The following FNDC7 variants were observed in gnomAD, a reference collection of about 807,000 sequenced individuals.
FNDC7 encodes the protein fibronectin type III domain-containing protein 7.
Under a neutral mutation model 74.2 loss-of-function variants are expected in FNDC7, and 66 were observed. The observed-to-expected ratio is 0.89, with a 90% CI of 0.73 to 1.09. The LOEUF (loss-of-function observed/expected upper bound fraction) is 1.09. Among genes scored for constraint, FNDC7 ranks in the 50% least tolerant of loss-of-function variants. The probability of loss-of-function intolerance (pLI) is 0.00; values close to 1 mark genes in which losing one functional copy is unlikely to be tolerated. For synonymous variants in FNDC7, 307 were observed against 330.2 expected, an observed-to-expected ratio of 0.93 and a Z score of 0.76; for missense variants, 829 against 893.4, an observed-to-expected ratio of 0.93 and a Z score of 0.92.
chr1:108,717,892 C>T lies in FNDC7; in HGVS notation c.198C>T (p.Asp66=). 5.2e-6 allele frequency: 8 copies of T among 1,551,708 alleles called. No individual in the cohort carries two copies. Among genetic ancestry groups the T allele is most frequent in the Non-Finnish European group, 6.1e-6 (7 of 1,147,004 alleles). Residue 66 remains aspartate (D), a synonymous_variant, in exon 3 of 13, where the codon GAC becomes GAT. Transcript: ENST00000370017. ...TSYLLTAEDG[D]TVIETTVANS... ...ACCTCCTCACGGCTGAAGACGGGGA[C>T]ACAGTCATTGAAACCACGGTGGCCA...
chr1:108,739,013 G>A (rs1440057964), intron 11 of FNDC7, among the ~76,000 whole-genome samples: 1 of 152,088 alleles, frequency 6.6e-6, no homozygotes, highest in Non-Finnish European at 1.5e-5. Flanking sequence ...GAGACATAGA[G>A]GTGTGGTAGA....
intron 2 of FNDC7, among the ~76,000 whole-genome samples, chr1:108,716,443 A>G (rs79643501): frequency 0.089 from 13,426 of 151,310 alleles, 666 homozygotes; most frequent in African/African-American, 0.12. Context: ...GCCCTTTCCT[A>G]TAGAATTGGC....
chr1:108,729,372 A>C (rs2101085262), intron 8 of FNDC7, among the ~76,000 whole-genome samples: 1 of 152,264 alleles, frequency 6.6e-6, no homozygotes, highest in South Asian at 2.1e-4. Flanking sequence ...ACACGGTGAA[A>C]CCCTGTCTCT....
chr1:108,727,489 A>T (rs1661244104), intron 6 of FNDC7, among the ~76,000 whole-genome samples: 1 of 152,106 alleles, frequency 6.6e-6, no homozygotes, highest in Non-Finnish European at 1.5e-5. Context: ...TTTCCAGTGG[A>T]GGGGTCAGCA....
At chr1:108,733,883 C>T (rs1461784272) in intron 10 of FNDC7, among the ~76,000 whole-genome samples, 1 of 152,062 alleles carries the variant, frequency 6.6e-6, no homozygotes, top group Non-Finnish European at 1.5e-5. Context: ...CTCCTGACCT[C>T]AGGTGATCCT....
rs1014824977 is a variant in FNDC7, at chr1:108,713,400, G to A, written c.64-111G>A. The A allele has an allele frequency of 2.6e-5, 23 of 893,374 alleles. No individual in the cohort carries two copies. In the East Asian group the frequency reaches 2.9e-4, roughly 11 times the overall value. The allele number at this position is 893,374 out of a possible 1,614,324, so 55.3% of individuals were successfully genotyped here. ...TTGTATGGATTGAAAGACTGCTCACGTTAGATGTAAAAATGTTGTGATTAA... is the reference window on the plus strand; with the variant it reads ...TTGTATGGATTGAAAGACTGCTCACATTAGATGTAAAAATGTTGTGATTAA... On this transcript the variant is annotated intron_variant, in intron 1 of 12. Transcript: ENST00000370017.
intron 4 of FNDC7, 49 bp downstream of exon 4, chr1:108,719,098 AG>A: frequency 1.3e-6 from 2 of 1,545,136 alleles, no homozygotes; most frequent in Non-Finnish European, 1.8e-6. Flanking sequence ...TTGATTAATG[AG>A]GGGGGCTGTG....
chr1:108,719,875 G>A (rs1661060532), intron 4 of FNDC7, among the ~76,000 whole-genome samples: 1 of 152,122 alleles, frequency 6.6e-6, no homozygotes, highest in African/African-American at 2.4e-5. Context: ...CAGATTAGCT[G>A]TTTCTCCACT....
chr1:108,719,745 T>TGAGAGAGAGA (rs67387432), intron 4 of FNDC7, among the ~76,000 whole-genome samples: 6 of 148,330 alleles, frequency 4.0e-5, no homozygotes, highest in African/African-American at 1.5e-4. Context: ...GCCAAGCGAA[T>TGAGAGAGAGA]GAGAGAGAGA....
At chr1:108,716,868 G>C (rs1249172031) in intron 2 of FNDC7, among the ~76,000 whole-genome samples, 4 of 152,090 alleles carry the variant, frequency 2.6e-5, no homozygotes, top group Admixed American at 2.0e-4. Flanking sequence ...CCAAGTGCCA[G>C]TTTCAAATAA....
In FNDC7 at chr1:108,725,970, A is replaced by G; in HGVS notation, c.1077A>G (p.Gln359=). ...ISVFVYNKAG[Q]SPLGDIFNYT... is the part of the protein sequence containing the mutation. The stretch of plus-strand genomic sequence containing the variant: ...TTTTTGTCTATAACAAGGCAGGGCA[A>G]AGTCCTTTGGGTGACATATTCAATT... Residue 359 remains glutamine (Q), a synonymous_variant, in exon 6 of 13, where the codon CAA becomes CAG. Transcript: ENST00000370017. 6.2e-7 allele frequency: 1 copy of G among 1,614,186 alleles called. No individual in the cohort carries two copies. Among genetic ancestry groups the G allele is most frequent in the Non-Finnish European group, 8.5e-7 (1 of 1,180,032 alleles).
chr1:108,725,977 T>C lies in FNDC7; in HGVS notation c.1084T>C (p.Leu362=). Residue 362 remains leucine, a synonymous_variant, in exon 6 of 13, where the codon TTG becomes CTG. Transcript: ENST00000370017. ...FVYNKAGQSP[L]GDIFNYTTAP... The stretch of plus-strand genomic sequence containing the variant: ...CTATAACAAGGCAGGGCAAAGTCCT[T>C]TGGGTGACATATTCAATTATACCAC... 6.2e-7 allele frequency: 1 copy of C among 1,614,216 alleles called. No individual in the cohort carries two copies. Among genetic ancestry groups the C allele is most frequent in the Non-Finnish European group, 8.5e-7 (1 of 1,180,036 alleles).
intron 7 of FNDC7, 71 bp from the exon 8 acceptor site, chr1:108,728,561 G>C: frequency 6.3e-7 from 1 of 1,586,966 alleles, no homozygotes; most frequent in Non-Finnish European, 8.6e-7. Flanking sequence ...GGCAAAATCA[G>C]TTTTAGACCA....
At chr1:108,725,059 C>T (rs1466817408) in intron 5 of FNDC7, among the ~76,000 whole-genome samples, 4 of 151,692 alleles carry the variant, frequency 2.6e-5, no homozygotes, top group Non-Finnish European at 5.9e-5. Flanking sequence ...CCAGCCTGGG[C>T]AACCGAGTGA....
At chr1:108,737,194 A>T (rs185439893) in intron 10 of FNDC7, among the ~76,000 whole-genome samples, 219 of 151,572 alleles carry the variant, frequency 1.4e-3, no homozygotes, top group African/African-American at 4.6e-3. Flanking sequence ...CCGGTCTTGA[A>T]CTCCTGACCT....
intron 10 of FNDC7, among the ~76,000 whole-genome samples, chr1:108,733,781 G>A (rs887776068): frequency 6.6e-6 from 1 of 151,186 alleles, no homozygotes; most frequent in Admixed American, 6.6e-5. Flanking sequence ...CTCCCAAGTA[G>A]CTGCGATTAC....
intron 3 of FNDC7, among the ~76,000 whole-genome samples, chr1:108,718,535 T>C (rs1317625251): frequency 6.6e-6 from 1 of 152,234 alleles, no homozygotes; most frequent in Non-Finnish European, 1.5e-5. Flanking sequence ...TAGGAATGTT[T>C]TATCTAATTT....
In FNDC7 at chr1:108,719,052, A is replaced by G; in HGVS notation, c.598+3A>G. The G allele has an allele frequency of 6.4e-7, 1 of 1,552,042 alleles. No homozygotes were observed. The highest frequency in any genetic ancestry group is 8.7e-7 in the Non-Finnish European group (1 of 1,146,990). ...CTCCACCTGCAATCAGAGAACAAGTAAGAACTTCTCAGCTCAGCCTCGAAC... is the reference window on the plus strand; with the variant it reads ...CTCCACCTGCAATCAGAGAACAAGTGAGAACTTCTCAGCTCAGCCTCGAAC... On this transcript the variant is annotated splice_donor_region_variant and intron_variant, in intron 4 of 12. Transcript: ENST00000370017.
At chr1:108,736,963 CTTTTTTTT>C in intron 10 of FNDC7, among the ~76,000 whole-genome samples, 1 of 99,418 alleles carries the variant, frequency 1.0e-5, no homozygotes, top group South Asian at 3.6e-4. Flanking sequence ...GCTTGGCATT[CTTTTTTTT>C]TTTTTTTTTT....
Sources: gnomAD v4.1 joint callset for allele counts (sites outside exome capture counted in the v4.1 genomes callset) on GRCh38, gnomAD v4.1.1 for gene constraint, MANE v1.5 for transcripts, NCBI Gene and HGNC (gene_info 2026-07-23, HGNC 2026-07-21) for gene names.